Variants in CSMD1 observed in about 807,000 individuals in gnomAD.
The protein encoded by CSMD1 is CUB and sushi domain-containing protein 1.
CSMD1 carries 213 observed loss-of-function variants against 417.5 expected under a neutral mutation model. The observed-to-expected ratio is 0.51, with a 90% confidence interval of 0.46 to 0.57. The LOEUF is 0.57. CSMD1 is among the 20% of genes least tolerant of loss of function. CSMD1 has a pLI of 0.00. For synonymous variants in CSMD1, 2,862 were observed against 1,736.8 expected, an observed-to-expected ratio of 1.65 and a Z score of -16.11; for missense variants, 6,923 against 4,529.7, an observed-to-expected ratio of 1.53 and a Z score of -15.17.
chr8:4,880,824 G>T (rs1021740117), intron 1 of CSMD1, among the ~76,000 whole-genome samples: 1 of 151,930 alleles, frequency 6.6e-6, no homozygotes, highest in Non-Finnish European at 1.5e-5. Flanking sequence ...CACTTTTGTT[G>T]TCATTCTTGT....
intron 12 of CSMD1, among the ~76,000 whole-genome samples, chr8:3,417,401 C>A (rs759521531): frequency 6.6e-6 from 1 of 152,184 alleles, no homozygotes; most frequent in Admixed American, 6.6e-5. Flanking sequence ...CTCTTATTGC[C>A]TGTGTAAGAT....
intron 5 of CSMD1, among the ~76,000 whole-genome samples, chr8:3,777,577 G>A (rs964865714): frequency 6.6e-6 from 1 of 152,192 alleles, no homozygotes; most frequent in Non-Finnish European, 1.5e-5. Context: ...CAGGAGACAA[G>A]CTGCCATACG....
chr8:4,591,474 C>G lies in CSMD1; in HGVS notation c.302+45868G>C, dbSNP rs150667934. 5.0e-4 allele frequency among the ~76,000 whole-genome samples: 76 copies of G among 152,268 alleles called. 1 individual carries two copies. In the East Asian group the frequency reaches 0.014, roughly 28 times the overall value. On this transcript the variant is annotated intron_variant, in intron 2 of 69. Transcript: ENST00000635120. ...AGCAAAAGCAAATGAGCAGAGCTAT[C>G]GAGCTGTAAACCTGCATGGTAGGTC... is the stretch of plus-strand genomic sequence containing the variant.
chr8:4,335,901 C>A (rs562339745), intron 3 of CSMD1, among the ~76,000 whole-genome samples: 1 of 152,094 alleles, frequency 6.6e-6, no homozygotes, highest in East Asian at 1.9e-4. Context: ...GGGCTTCCTG[C>A]AATATGATCA....
chr8:3,482,178 A>C (rs1292665244), intron 11 of CSMD1, among the ~76,000 whole-genome samples: 1 of 152,228 alleles, frequency 6.6e-6, no homozygotes, highest in East Asian at 1.9e-4. Context: ...AGCACTAAAC[A>C]TATCAATAAT....
chr8:4,885,917 T>A (rs955614610), intron 1 of CSMD1, among the ~76,000 whole-genome samples: 1 of 152,118 alleles, frequency 6.6e-6, no homozygotes, highest in East Asian at 1.9e-4. Context: ...TTTATGCCTG[T>A]GTTTTCTTTG....
At chr8:4,489,200 C>G (rs970769217) in intron 2 of CSMD1, among the ~76,000 whole-genome samples, 5 of 152,238 alleles carry the variant, frequency 3.3e-5, no homozygotes, top group African/African-American at 1.2e-4. Context: ...GCGTGACACA[C>G]TGCACCCAGT....
intron 9 of CSMD1, among the ~76,000 whole-genome samples, chr8:3,577,274 A>C (rs775335146): frequency 2.6e-4 from 40 of 152,196 alleles, no homozygotes; most frequent in Non-Finnish European, 4.1e-4. Flanking sequence ...CTTTTAATAA[A>C]ATATGCATAG....
chr8:4,742,612 TA>T (rs1418120422), intron 1 of CSMD1, among the ~76,000 whole-genome samples: 1 of 152,160 alleles, frequency 6.6e-6, no homozygotes, highest in Non-Finnish European at 1.5e-5. Flanking sequence ...GAATTCCTTT[TA>T]TTAATACTGC....
chr8:3,781,396 T>A (rs1340017519), intron 5 of CSMD1, among the ~76,000 whole-genome samples: 3 of 152,142 alleles, frequency 2.0e-5, no homozygotes. Context: ...TGCAAGCTTG[T>A]GCTGTGAGGC....
rs571070619 is a variant in CSMD1 at position 3,261,081 on chromosome 8, TTAG to T, written c.4153+23060_4153+23062del. Among the ~76,000 whole-genome samples the T allele has an allele frequency of 1.5e-3, 234 of 152,280 alleles. 2 individuals are homozygous for T. The highest frequency in any genetic ancestry group is 5.5e-3 in the African/African-American group (227 of 41,564). ...ATAAAACATGAAAAGATGCTCTAAA[TTAG>T]TAGCCATTAAGCAAATAAATGCAGA... is the stretch of plus-strand genomic sequence containing the variant. On this transcript the variant is annotated intron_variant, in intron 26 of 69. Coordinates refer to ENST00000635120, the MANE Select transcript of CSMD1 (RefSeq NM_033225.6).
chr8:3,805,620 A>C (rs181889674), intron 5 of CSMD1, among the ~76,000 whole-genome samples: 3 of 152,282 alleles, frequency 2.0e-5, no homozygotes, highest in Admixed American at 2.0e-4. Context: ...TACCTGTAGA[A>C]AGGATATTAC....
rs77522677 is a variant in CSMD1, at chr8:3,685,079, T to C, written c.1009+23335A>G. ...GAAATAAAAATAAGAGATGTCTTCA[T>C]TATAAAACGATTTACTGGGTTCATT... On this transcript the variant is annotated intron_variant, in intron 7 of 69. Coordinates refer to ENST00000635120, the MANE Select transcript of CSMD1 (RefSeq NM_033225.6). Among the ~76,000 whole-genome samples the C allele has an allele frequency of 3.4e-3, 518 of 152,252 alleles. 14 individuals carry two copies. In the East Asian group the frequency reaches 0.077, roughly 23 times the overall value.
At chr8:4,863,796 A>T (rs11987377) in intron 1 of CSMD1, among the ~76,000 whole-genome samples, 28 of 152,030 alleles carry the variant, frequency 1.8e-4, no homozygotes, top group African/African-American at 6.5e-4. Flanking sequence ...CTTGGAGTAC[A>T]TTTGAATAGA....
intron 3 of CSMD1, among the ~76,000 whole-genome samples, chr8:4,310,374 G>C (rs1488085215): frequency 6.6e-6 from 1 of 152,150 alleles, no homozygotes; most frequent in Admixed American, 6.6e-5. Flanking sequence ...CACAGACAGT[G>C]TTTCTCACAG....
chr8:2,993,973 A>C (rs1806637119), intron 54 of CSMD1, among the ~76,000 whole-genome samples: 1 of 146,060 alleles, frequency 6.8e-6, no homozygotes, highest in Non-Finnish European at 1.5e-5. Context: ...GTGAAACCCC[A>C]TCCCTACTAA....
intron 12 of CSMD1, among the ~76,000 whole-genome samples, chr8:3,418,388 G>A (rs879343846): frequency 2.6e-5 from 4 of 152,150 alleles, no homozygotes; most frequent in African/African-American, 7.2e-5. Context: ...TTGGAATTCA[G>A]AACTTTGTTG....
chr8:3,552,007 G>C (rs185715318), intron 10 of CSMD1, among the ~76,000 whole-genome samples: 3 of 152,308 alleles, frequency 2.0e-5, no homozygotes, highest in Admixed American at 1.3e-4. Context: ...ACAGGAACTC[G>C]AGAAGTTTCA....
At chr8:3,524,478 CAT>C (rs201711706) in intron 10 of CSMD1, among the ~76,000 whole-genome samples, 1,668 of 151,740 alleles carry the variant, frequency 0.011, 19 homozygotes, top group African/African-American at 0.037. Flanking sequence ...CCCAGAAAGA[CAT>C]GTGCACACAC....
Sources: gnomAD v4.1 joint callset for allele counts (sites outside exome capture counted in the v4.1 genomes callset) on GRCh38, gnomAD v4.1.1 for gene constraint, MANE v1.5 for transcripts, NCBI Gene and HGNC (gene_info 2026-07-23, HGNC 2026-07-21) for gene names.